Variants in KIF13A observed in about 807,000 individuals in gnomAD.
The protein encoded by KIF13A is kinesin-like protein KIF13A.
In KIF13A, 79 loss-of-function variants were observed where a neutral mutation model predicts 212.2. The ratio of observed to expected loss-of-function variants is 0.37; its 90% CI spans 0.31 to 0.45. The LOEUF is 0.45. Among genes scored for constraint, KIF13A ranks in the 20% least tolerant of loss-of-function variants. KIF13A has a pLI of 1.00. For missense variants in KIF13A, 1,901 were observed against 2,209.0 expected, an observed-to-expected ratio of 0.86 and a Z score of 2.79; for synonymous variants, 789 against 808.6, an observed-to-expected ratio of 0.98 and a Z score of 0.41.
chr6:17,893,274 T>C (rs1772234832), intron 3 of KIF13A, among the ~76,000 whole-genome samples: 1 of 152,198 alleles, frequency 6.6e-6, no homozygotes, highest in Non-Finnish European at 1.5e-5. Flanking sequence ...GCTGACACTT[T>C]CCTAGTTCTA....
intron 9 of KIF13A, among the ~76,000 whole-genome samples, chr6:17,848,481 A>G (rs1036720633): frequency 3.3e-5 from 5 of 151,174 alleles, no homozygotes; most frequent in Non-Finnish European, 5.9e-5. Flanking sequence ...TAGCTTCCAC[A>G]TATGTCAGAA....
At chr6:17,780,005 C>A (rs1207250243) in intron 31 of KIF13A, among the ~76,000 whole-genome samples, 5 of 152,110 alleles carry the variant, frequency 3.3e-5, no homozygotes, top group Admixed American at 3.3e-4. Context: ...CTTGGCCTCT[C>A]AAAGTGCTGG....
chr6:17,806,125 G>T (rs2150340818), intron 18 of KIF13A, among the ~76,000 whole-genome samples: 1 of 151,942 alleles, frequency 6.6e-6, no homozygotes, highest in Non-Finnish European at 1.5e-5. Context: ...TATAGATGGG[G>T]TTTTGTTATG....
intron 2 of KIF13A, among the ~76,000 whole-genome samples, chr6:17,929,372 T>C (rs578218970): frequency 2.0e-4 from 30 of 151,224 alleles, no homozygotes; most frequent in Non-Finnish European, 3.4e-4. Context: ...CCCAAACAGC[T>C]AGGACTAGAG....
chr6:17,814,249 CTT>C (rs34056148), intron 17 of KIF13A, among the ~76,000 whole-genome samples: 33,523 of 89,032 alleles, frequency 0.38, 5,037 homozygotes, highest in South Asian at 0.46. Flanking sequence ...CAGTGCCCGG[CTT>C]TTTTTTTTTT....
chr6:17,858,145 G>T (rs1163190642), intron 4 of KIF13A, among the ~76,000 whole-genome samples: 1 of 150,440 alleles, frequency 6.6e-6, no homozygotes, highest in Non-Finnish European at 1.5e-5. Context: ...GTGTGTGAGA[G>T]AGAGAGATCT....
At chr6:17,852,513 G>A (rs552497088) in intron 6 of KIF13A, among the ~76,000 whole-genome samples, 4 of 152,102 alleles carry the variant, frequency 2.6e-5, no homozygotes, top group Non-Finnish European at 5.9e-5. Flanking sequence ...TCAACCTCCC[G>A]CCCAGGTGAT....
chr6:17,841,183 T>C (rs1324468623), intron 9 of KIF13A, among the ~76,000 whole-genome samples: 1 of 151,770 alleles, frequency 6.6e-6, no homozygotes, highest in African/African-American at 2.4e-5. Context: ...AGCGATCCTC[T>C]TATCTCATTC....
intron 2 of KIF13A, among the ~76,000 whole-genome samples, chr6:17,960,824 C>G (rs986515912): frequency 6.6e-6 from 1 of 152,158 alleles, no homozygotes; most frequent in Non-Finnish European, 1.5e-5. Flanking sequence ...GTGAAATGAG[C>G]TGGGAAGAAG....
intron 2 of KIF13A, among the ~76,000 whole-genome samples, chr6:17,901,708 C>T (rs931361258): frequency 2.0e-5 from 3 of 152,232 alleles, no homozygotes; most frequent in Admixed American, 6.5e-5. Flanking sequence ...GAATCACTAT[C>T]TGCACAAATA....
In KIF13A at chr6:17,779,236, C is replaced by CATAT. The variant is rs149719669; in HGVS notation, c.3940-141_3940-138dup. 1.9e-3 allele frequency: 489 copies of CATAT among 254,714 alleles called. 4 individuals carry two copies. Among genetic ancestry groups the CATAT allele is most frequent in the African/African-American group, 0.014 (297 of 21,302 alleles). The allele number at this position is 254,714 out of a possible 1,614,324, so 15.8% of individuals were successfully genotyped here. A position where few individuals can be genotyped will look rare whatever the true frequency, so the allele number is the denominator to read the frequency against. ...TAGATACTGATATTTTTTAAAGTAG[C>CATAT]ATATATATATATATATATATATTTT... On this transcript the variant is annotated intron_variant, in intron 32 of 38. Coordinates refer to ENST00000259711, the MANE Select transcript of KIF13A (RefSeq NM_022113.6).
intron 2 of KIF13A, among the ~76,000 whole-genome samples, chr6:17,962,948 C>A (rs1581872661): frequency 6.6e-6 from 1 of 152,318 alleles, no homozygotes; most frequent in East Asian, 1.9e-4. Context: ...TCTGATTCAG[C>A]CCGTTAGACT....
At position 17,871,313 on chromosome 6, in the gene KIF13A, A is replaced by C. The variant is rs1396678145; in HGVS notation, c.220+2064T>G. Among the ~76,000 whole-genome samples, 2 of 152,146 alleles carry C rather than the reference A, an allele frequency of 1.3e-5. No homozygotes were observed. The highest frequency in any genetic ancestry group is 2.9e-5 in the Non-Finnish European group (2 of 68,022). ...CTTCCCAGACAATTGGTGCCTTTCC[A>C]GATTTTCTCTCTTTAAAATCTGGTG... On this transcript the variant is annotated intron_variant, in intron 4 of 38. Transcript: ENST00000259711. The surrounding 1 kb of genome is among the most constrained non-coding windows in gnomAD (Gnocchi z 4.4).
Position 17,771,458 on chromosome 6 carries a change from G to A in KIF13A, c.4477-240C>T, listed in dbSNP as rs1006549937. On this transcript the variant is annotated intron_variant, in intron 37 of 38. Coordinates refer to ENST00000259711, the MANE Select transcript of KIF13A (RefSeq NM_022113.6). This position sits in a 1 kb window ranked among gnomAD's most constrained non-coding sequence, Gnocchi z 5.4. The stretch of plus-strand genomic sequence containing the variant: ...AAACAGCCTTTTGACCAGGTACAAC[G>A]GCTCATGCCTGCAATCCCAGTGCCT... The A allele has an allele frequency of 3.7e-5, 18 of 483,056 alleles. No individual in the cohort carries two copies. Among genetic ancestry groups the A allele is most frequent in the Non-Finnish European group, 5.1e-5 (14 of 272,260 alleles). The allele number at this position is 483,056 out of a possible 1,614,324, so 29.9% of individuals were successfully genotyped here.
intron 4 of KIF13A, among the ~76,000 whole-genome samples, chr6:17,870,340 A>G (rs1240783310): frequency 2.0e-5 from 3 of 152,236 alleles, no homozygotes; most frequent in Non-Finnish European, 2.9e-5. Context: ...ATGTTTAAAA[A>G]TCATTTTGAT....
At position 17,856,741 on chromosome 6, in the gene KIF13A, C is replaced by T. The variant is rs187359673; in HGVS notation, c.221-619G>A. Among the ~76,000 whole-genome samples, 201 of 152,248 alleles carry T rather than the reference C, an allele frequency of 1.3e-3. No individual in the cohort carries two copies. The East Asian group carries it at 0.016, about 12-fold the overall frequency. The stretch of plus-strand genomic sequence containing the variant: ...TGTCATGTACTATACTATGGCAGAG[C>T]GGGGCTGAAGAGTAAAGGAGTGACA... On this transcript the variant is annotated intron_variant, in intron 4 of 38. Coordinates refer to ENST00000259711, the MANE Select transcript of KIF13A (RefSeq NM_022113.6). This position sits in a 1 kb window ranked among gnomAD's most constrained non-coding sequence, Gnocchi z 4.5.
In KIF13A at chr6:17,776,592, G is replaced by GT. The variant is rs1289894957; in HGVS notation, c.4170+684dup. Among the ~76,000 whole-genome samples, 2 of 152,168 alleles carry GT rather than the reference G, an allele frequency of 1.3e-5. No homozygotes were observed. Among genetic ancestry groups the GT allele is most frequent in the African/African-American group, 4.8e-5 (2 of 41,436 alleles). On this transcript the variant is annotated intron_variant, in intron 34 of 38. Coordinates refer to ENST00000259711, the MANE Select transcript of KIF13A (RefSeq NM_022113.6). The surrounding 1 kb of genome is among the most constrained non-coding windows in gnomAD (Gnocchi z 4.6). ...TGTAGCCCACTGTAGGACAATTTTT[G>GT]TAAGTGGCCACCATGTTTTAAATAA... is the stretch of plus-strand genomic sequence containing the variant.
chr6:17,854,388 T>A (rs564340777), intron 6 of KIF13A, among the ~76,000 whole-genome samples: 1 of 152,078 alleles, frequency 6.6e-6, no homozygotes, highest in African/African-American at 2.4e-5. Flanking sequence ...TCCACCCACC[T>A]TGGCCTCCCA....
chr6:17,889,388 A>C (rs1771835104), intron 3 of KIF13A, among the ~76,000 whole-genome samples: 1 of 152,218 alleles, frequency 6.6e-6, no homozygotes, highest in Non-Finnish European at 1.5e-5. Flanking sequence ...CATAAATAAA[A>C]CAAAAAACAC....
Sources: allele counts gnomAD v4.1 joint callset (sites outside exome capture counted in the v4.1 genomes callset), GRCh38; gene constraint gnomAD v4.1.1; non-coding constraint Gnocchi (gnomAD v3.1); transcripts MANE v1.5; gene names NCBI Gene and HGNC (gene_info 2026-07-23, HGNC 2026-07-21).